Variants in PDLIM5 observed in about 807,000 individuals in gnomAD.
PDLIM5 encodes the protein PDZ and LIM domain 5, also known as PDZ and LIM domain protein 5.
PDLIM5 carries 34 observed loss-of-function variants against 64.2 expected under a neutral mutation model. The observed-to-expected ratio is 0.53, with a 90% CI of 0.40 to 0.71. PDLIM5 has a LOEUF of 0.71. Among genes scored for constraint, PDLIM5 ranks in the 30% least tolerant of loss-of-function variants. PDLIM5 has a pLI of 0.00. For missense variants in PDLIM5, 683 were observed against 733.6 expected (o/e 0.93, Z 0.80); for synonymous variants, 253 against 269.1 (o/e 0.94, Z 0.59).
chr4:94,459,601 G>A (rs1356825012), intron 2 of PDLIM5, among the ~76,000 whole-genome samples: 1 of 152,190 alleles, frequency 6.6e-6, no homozygotes, highest in Non-Finnish European at 1.5e-5. Flanking sequence ...AAGATACAAA[G>A]TGGGGAGTAC....
At position 94,599,422 on chromosome 4, in the gene PDLIM5, T is replaced by C. The variant is rs548316324; in HGVS notation, c.920+12978T>C. ...GCTAATGAGATTGGTCAGAGTCAAT[T>C]TGGTACAGTAAAAAAAGCTAATAGA... is the stretch of plus-strand genomic sequence containing the variant. On this transcript the variant is annotated intron_variant, in intron 7 of 12. Transcript: ENST00000317968. Among the ~76,000 whole-genome samples the C allele has an allele frequency of 5.3e-5, 8 of 152,180 alleles. No individual in the cohort carries two copies. The South Asian group carries it at 1.7e-3, about 32-fold the overall frequency.
chr4:94,517,768 G>T (rs1729489185), intron 2 of PDLIM5, among the ~76,000 whole-genome samples: 1 of 152,218 alleles, frequency 6.6e-6, no homozygotes, highest in Non-Finnish European at 1.5e-5. Context: ...ATATGCAGAA[G>T]ATTGAAACTT....
At chr4:94,644,698 C>G (rs566706755) in intron 9 of PDLIM5, among the ~76,000 whole-genome samples, 2 of 151,964 alleles carry the variant, frequency 1.3e-5, no homozygotes, top group Admixed American at 6.6e-5. Context: ...CCTGCCACCA[C>G]GCCCAGCTAA....
chr4:94,612,022 C>T (rs1385246992), intron 7 of PDLIM5, among the ~76,000 whole-genome samples: 1 of 152,088 alleles, frequency 6.6e-6, no homozygotes, highest in African/African-American at 2.4e-5. Context: ...TCGAGACCAG[C>T]CTAGCCAACA....
chr4:94,516,525 T>G (rs577244360), intron 2 of PDLIM5, among the ~76,000 whole-genome samples: 224 of 152,058 alleles, frequency 1.5e-3, no homozygotes, highest in African/African-American at 5.2e-3. Context: ...TCTCTCTCTC[T>G]CTCTCTCTTT....
chr4:94,489,687 A>G (rs1400984341), intron 2 of PDLIM5, among the ~76,000 whole-genome samples: 1 of 152,126 alleles, frequency 6.6e-6, no homozygotes, highest in Non-Finnish European at 1.5e-5. Context: ...GCATTTTGGA[A>G]GGCCAAAGTG....
In PDLIM5 at chr4:94,620,922, T is replaced by G. The variant is rs555118078; in HGVS notation, c.1108+2731T>G. On this transcript the variant is annotated intron_variant, in intron 8 of 12. Transcript: ENST00000317968. ...GTCTCTACTAAAAATAAAAGAAAAG[T>G]TAGCCAGGCGTGGTGGTGGGCACCT... 4.9e-3 allele frequency among the ~76,000 whole-genome samples: 743 copies of G among 150,692 alleles called. 1 individual carries two copies. The highest frequency in any genetic ancestry group is 0.017 in the African/African-American group (681 of 40,550).
intron 2 of PDLIM5, among the ~76,000 whole-genome samples, chr4:94,507,566 A>G (rs1728496884): frequency 6.6e-6 from 1 of 152,210 alleles, no homozygotes; most frequent in South Asian, 2.1e-4. Context: ...CCTCATGGCA[A>G]ACTAATCTAA....
At position 94,494,601 on chromosome 4, in the gene PDLIM5, G is replaced by A. The variant is rs1359264625; in HGVS notation, c.97-29123G>A. On this transcript the variant is annotated intron_variant, in intron 2 of 12. Transcript: ENST00000317968. ...ATTACTGGCTCCTGCCACCATGCCC[G>A]GCTAATTTTTGTATTTTTAATGGAG... Among the ~76,000 whole-genome samples, 4 of 150,620 alleles carry A rather than the reference G, an allele frequency of 2.7e-5. No homozygotes were observed. The East Asian group carries it at 7.8e-4, about 30-fold the overall frequency.
intron 7 of PDLIM5, among the ~76,000 whole-genome samples, chr4:94,600,935 C>T (rs953467108): frequency 6.6e-6 from 1 of 152,018 alleles, no homozygotes; most frequent in African/African-American, 2.4e-5. Flanking sequence ...AAAGAATTTA[C>T]AAAATATTAA....
intron 12 of PDLIM5, among the ~76,000 whole-genome samples, chr4:94,663,126 A>G (rs1379662319): frequency 1.3e-5 from 2 of 152,208 alleles, no homozygotes; most frequent in Non-Finnish European, 2.9e-5. Flanking sequence ...TAAATGTAGG[A>G]AGTAAATATC....
intron 3 of PDLIM5, among the ~76,000 whole-genome samples, chr4:94,546,441 T>C (rs1343538317): frequency 6.6e-6 from 1 of 152,154 alleles, no homozygotes; most frequent in African/African-American, 2.4e-5. Context: ...ATTAAGTAGT[T>C]TTTTTCTCCT....
intron 7 of PDLIM5, among the ~76,000 whole-genome samples, chr4:94,605,270 T>C (rs529905131): frequency 6.6e-6 from 1 of 152,212 alleles, no homozygotes; most frequent in East Asian, 1.9e-4. Context: ...GTAAGGATGG[T>C]AAATTAGTAG....
intron 5 of PDLIM5, chr4:94,577,495 T>C: frequency 5.6e-6 from 2 of 358,178 alleles, no homozygotes; most frequent in South Asian, 4.4e-5. Flanking sequence ...TGAGGAAAAC[T>C]AGTATCCTTC....
At chr4:94,624,038 C>A (rs576611291) in intron 8 of PDLIM5, among the ~76,000 whole-genome samples, 2 of 152,024 alleles carry the variant, frequency 1.3e-5, no homozygotes, top group Admixed American at 1.3e-4. Flanking sequence ...GGGCTAGGCA[C>A]TGTGGCTCAC....
At chr4:94,659,614 G>A (rs1396845898) in intron 11 of PDLIM5, among the ~76,000 whole-genome samples, 2 of 149,602 alleles carry the variant, frequency 1.3e-5, no homozygotes, top group Admixed American at 6.7e-5. Flanking sequence ...TGCAAGCTCT[G>A]CCTCCCGGGT....
chr4:94,564,878 G>A (rs1734175210), intron 3 of PDLIM5, among the ~76,000 whole-genome samples: 1 of 151,738 alleles, frequency 6.6e-6, no homozygotes, highest in Non-Finnish European at 1.5e-5. Flanking sequence ...GGATGGTCTT[G>A]ATCTCCTGAC....
At chr4:94,567,086 C>T (rs954555002) in intron 3 of PDLIM5, among the ~76,000 whole-genome samples, 10 of 152,280 alleles carry the variant, frequency 6.6e-5, no homozygotes, top group Admixed American at 4.6e-4. Flanking sequence ...CTCCGCCTCC[C>T]GGTTCACGCT....
At chr4:94,458,974 G>C (rs11935084) in intron 2 of PDLIM5, among the ~76,000 whole-genome samples, 4,463 of 152,162 alleles carry the variant, frequency 0.029, 162 homozygotes, top group African/African-American at 0.089. Flanking sequence ...AATGGAGTGC[G>C]GGCTACCTAA....
Sources: gnomAD v4.1 joint callset for allele counts (sites outside exome capture counted in the v4.1 genomes callset) on GRCh38, gnomAD v4.1.1 for gene constraint, MANE v1.5 for transcripts, NCBI Gene and HGNC (gene_info 2026-07-23, HGNC 2026-07-21) for gene names.